Variants in MEI4 observed in about 807,000 individuals in gnomAD.
The protein encoded by MEI4 is meiotic double-stranded break formation protein 4.
Under a neutral mutation model 31.4 loss-of-function variants are expected in MEI4, and 27 were observed. The ratio of observed to expected loss-of-function variants is 0.86; its 90% CI spans 0.63 to 1.19. MEI4 has a LOEUF of 1.19. Among genes scored for constraint, MEI4 ranks in the 50% most tolerant of loss-of-function variants. The pLI is 0.00. For missense variants in MEI4, 329 were observed against 398.9 expected (o/e 0.82, Z 1.49); for synonymous variants, 122 against 145.4 (o/e 0.84, Z 1.16).
intron 3 of MEI4, among the ~76,000 whole-genome samples, chr6:77,801,800 A>G (rs1414452708): frequency 6.6e-6 from 1 of 152,160 alleles, no homozygotes; most frequent in Non-Finnish European, 1.5e-5. Context: ...TGAGTTTCTG[A>G]ATCCTGAGTT....
At chr6:77,773,944 A>G (rs948069718) in intron 3 of MEI4, among the ~76,000 whole-genome samples, 2 of 152,152 alleles carry the variant, frequency 1.3e-5, no homozygotes, top group Non-Finnish European at 2.9e-5. Flanking sequence ...AGGAAAATGC[A>G]AATTAAAACG....
chr6:77,735,948 G>A (rs541627522), intron 2 of MEI4, among the ~76,000 whole-genome samples: 1 of 147,962 alleles, frequency 6.8e-6, no homozygotes, highest in African/African-American at 2.5e-5. Flanking sequence ...GGCTGCTCGG[G>A]GGTCAGGGGT....
upstream of MEI4, among the ~76,000 whole-genome samples, chr6:77,650,698 A>G (rs918520851): frequency 2.6e-5 from 4 of 152,162 alleles, no homozygotes; most frequent in African/African-American, 7.2e-5. Flanking sequence ...TGAGCTCGCA[A>G]TATTTTCAGG....
chr6:77,903,897 T>C (rs901563449), intron 4 of MEI4, among the ~76,000 whole-genome samples: 2 of 152,182 alleles, frequency 1.3e-5, no homozygotes, highest in Middle Eastern at 3.2e-3. Flanking sequence ...TTTCATTTAT[T>C]TGGAATATCT....
chr6:77,797,981 T>G (rs1441488404), intron 3 of MEI4, among the ~76,000 whole-genome samples: 5 of 152,126 alleles, frequency 3.3e-5, no homozygotes. Context: ...CACAAGCCTA[T>G]GTATGTTCGA....
At chr6:77,785,686 G>T (rs1768716535) in intron 3 of MEI4, among the ~76,000 whole-genome samples, 1 of 152,182 alleles carries the variant, frequency 6.6e-6, no homozygotes, top group East Asian at 1.9e-4. Flanking sequence ...GAAATTACTA[G>T]TATTTAATTC....
chr6:77,836,765 C>T (rs1441435119), intron 4 of MEI4, among the ~76,000 whole-genome samples: 4 of 152,012 alleles, frequency 2.6e-5, no homozygotes, highest in Non-Finnish European at 5.9e-5. Context: ...TTATACATGT[C>T]TTGATCATAT....
At chr6:77,834,594 C>T (rs553313028) in intron 4 of MEI4, among the ~76,000 whole-genome samples, 2 of 152,064 alleles carry the variant, frequency 1.3e-5, no homozygotes, top group South Asian at 4.1e-4. Context: ...ATATATTCTG[C>T]TTTGCCAGTC....
intron 3 of MEI4, among the ~76,000 whole-genome samples, chr6:77,806,468 G>T (rs1274646018): frequency 6.6e-6 from 1 of 152,036 alleles, no homozygotes; most frequent in African/African-American, 2.4e-5. Context: ...TATATAACAG[G>T]TATTTCTATG....
intron 2 of MEI4, among the ~76,000 whole-genome samples, chr6:77,744,434 A>G (rs1401094075): frequency 6.6e-6 from 1 of 151,756 alleles, no homozygotes; most frequent in Non-Finnish European, 1.5e-5. Context: ...GAATAAAAAG[A>G]AACAAACAAA....
At chr6:77,734,620 G>A (rs1582076146) in intron 2 of MEI4, among the ~76,000 whole-genome samples, 1 of 151,882 alleles carries the variant, frequency 6.6e-6, no homozygotes, top group Non-Finnish European at 1.5e-5. Flanking sequence ...TTTAATTGGA[G>A]CATTTAGTCC....
chr6:77,663,008 G>C (rs1201019036), intron 1 of MEI4, among the ~76,000 whole-genome samples: 1 of 152,204 alleles, frequency 6.6e-6, no homozygotes, highest in Non-Finnish European at 1.5e-5. Flanking sequence ...GGGATTAAGG[G>C]TGCAAAGGAA....
chr6:77,763,410 C>T (rs1331565485), intron 3 of MEI4, among the ~76,000 whole-genome samples: 6 of 152,100 alleles, frequency 3.9e-5, no homozygotes, highest in South Asian at 4.1e-4. Flanking sequence ...GTCTAGGTTG[C>T]CCTTCGTGTT....
chr6:77,777,958 A>G (rs1768497330), intron 3 of MEI4, among the ~76,000 whole-genome samples: 1 of 152,122 alleles, frequency 6.6e-6, no homozygotes. Flanking sequence ...GGTACATAAA[A>G]ATTATGCCGA....
chr6:77,844,518 T>C (rs1483060), intron 4 of MEI4, among the ~76,000 whole-genome samples: 58,863 of 151,978 alleles, frequency 0.39, 12,376 homozygotes, highest in African/African-American at 0.57. Context: ...TCTCAGCTCT[T>C]GAAATTTCTG....
chr6:77,753,820 T>C (rs1230309155), intron 2 of MEI4, among the ~76,000 whole-genome samples: 1 of 152,172 alleles, frequency 6.6e-6, no homozygotes, highest in Non-Finnish European at 1.5e-5. Flanking sequence ...GTTGCGGCAC[T>C]GTTCACAATA....
chr6:77,670,557 C>T (rs890471595), intron 1 of MEI4, among the ~76,000 whole-genome samples: 1 of 152,062 alleles, frequency 6.6e-6, no homozygotes, highest in Non-Finnish European at 1.5e-5. Flanking sequence ...ATCGTGTGAC[C>T]ACATAAGATG....
intron 1 of MEI4, among the ~76,000 whole-genome samples, chr6:77,674,695 C>T (rs1248909311): frequency 6.6e-6 from 1 of 152,002 alleles, no homozygotes; most frequent in Non-Finnish European, 1.5e-5. Flanking sequence ...CATTAAGCAA[C>T]ACATGACAGT....
intron 3 of MEI4, among the ~76,000 whole-genome samples, chr6:77,827,883 G>T (rs894706688): frequency 6.6e-6 from 1 of 152,082 alleles, no homozygotes; most frequent in African/African-American, 2.4e-5. Flanking sequence ...ATGTCGGGGA[G>T]AAACAGTTCA....
Sources: gnomAD v4.1 joint callset for allele counts (sites outside exome capture counted in the v4.1 genomes callset) on GRCh38, gnomAD v4.1.1 for gene constraint, MANE v1.5 for transcripts, NCBI Gene and HGNC (gene_info 2026-07-23, HGNC 2026-07-21) for gene names.